Variants in BST1 observed in about 807,000 individuals in gnomAD.
The protein encoded by BST1 is ADP-ribosyl cyclase/cyclic ADP-ribose hydrolase 2.
Under a neutral mutation model 40.6 loss-of-function variants are expected in BST1, and 49 were observed. The ratio of observed to expected loss-of-function variants is 1.21; its 90% CI spans 0.96 to 1.53. The LOEUF is 1.53. BST1 is among the 40% of genes most tolerant of loss of function. The probability of loss-of-function intolerance (pLI) is 0.00; values close to 1 mark genes in which losing one functional copy is unlikely to be tolerated. For synonymous variants in BST1, 157 were observed against 159.3 expected (o/e 0.99, Z 0.11); for missense variants, 423 against 395.9 (o/e 1.07, Z -0.58).
chr4:15,741,350 A>G (rs761683916), downstream of BST1, among the ~76,000 whole-genome samples: 2 of 152,080 alleles, frequency 1.3e-5, no homozygotes, highest in Non-Finnish European at 2.9e-5. Flanking sequence ...TAGCAATCCT[A>G]TTATTATAGA....
intron 8 of BST1, among the ~76,000 whole-genome samples, chr4:15,726,978 C>G (rs1271015044): frequency 6.6e-6 from 1 of 151,104 alleles, no homozygotes; most frequent in African/African-American, 2.4e-5. Flanking sequence ...TCAAGCAATT[C>G]CCCTGCTTCA....
At chr4:15,730,179 G>C (rs186804882) in intron 8 of BST1, among the ~76,000 whole-genome samples, 1 of 152,310 alleles carries the variant, frequency 6.6e-6, no homozygotes, top group East Asian at 1.9e-4. Flanking sequence ...GCATTCAAAT[G>C]GAGTCAGGAA....
At chr4:15,734,461 A>T (rs1229758690), downstream of BST1, among the ~76,000 whole-genome samples, 3 of 152,162 alleles carry the variant, frequency 2.0e-5, no homozygotes, top group Non-Finnish European at 4.4e-5. Flanking sequence ...ATACAAATTT[A>T]ATATATTAAA....
Position 15,718,961 on chromosome 4 carries a change from G to A in BST1, c.759G>A (p.Met253Ile), listed in dbSNP as rs1015174676. 1.9e-6 allele frequency: 3 copies of A among 1,613,998 alleles called. No individual in the cohort carries two copies. Among genetic ancestry groups the A allele is most frequent in the Non-Finnish European group, 2.5e-6 (3 of 1,180,010 alleles). ...TCCTGGAAAAGAGGCTGAAGGACAT[G>A]GGGTTCCAGTACAGCTGTATTAATG... is the stretch of plus-strand genomic sequence containing the variant. The part of the protein sequence containing the change: ...MKVLEKRLKD[M>I]GFQYSCINDY... Residue 253 changes from methionine (M) to isoleucine (I), a missense_variant, in exon 7 of 9, where the codon ATG (methionine) becomes ATA (isoleucine). By Grantham distance (10) the Met-to-Ile change is conservative. Transcript: ENST00000265016.
At chr4:15,705,463 A>C (rs1177021882) in intron 1 of BST1, 52 bp from the exon 2 acceptor site, 2 of 1,519,084 alleles carry the variant, frequency 1.3e-6, no homozygotes, top group Non-Finnish European at 1.8e-6. Flanking sequence ...ATACTTCACA[A>C]CACATTATGA....
At chr4:15,752,995 A>G in the BST1 span, among the ~76,000 whole-genome samples, 6 of 150,480 alleles carry the variant, frequency 4.0e-5, no homozygotes, top group African/African-American at 1.5e-4. Flanking sequence ...AAATATTTAA[A>G]TATAAATCAC....
chr4:15,733,327 G>A (rs1258661112), downstream of BST1, among the ~76,000 whole-genome samples: 3 of 152,110 alleles, frequency 2.0e-5, no homozygotes, highest in Non-Finnish European at 4.4e-5. Context: ...TTTTTACAGA[G>A]TGCTGACTGG....
chr4:15,731,251 G>A lies in BST1; in HGVS notation c.852-489G>A, dbSNP rs187283729. On this transcript the variant is annotated intron_variant, in intron 8 of 8. Transcript: ENST00000265016. ...GCAATTTCCTGCCTTATTTAGGACT[G>A]GGCCGAGGATTCGTGGGATCTGCTT... 1.4e-3 allele frequency: 674 copies of A among 488,000 alleles called. 2 individuals are homozygous for A. Among genetic ancestry groups the A allele is most frequent in the African/African-American group, 0.011 (561 of 50,538 alleles). The allele number at this position is 488,000 out of a possible 1,614,324, so 30.2% of individuals were successfully genotyped here. A position where few individuals can be genotyped will look rare whatever the true frequency, so the allele number is the denominator to read the frequency against.
the BST1 span, among the ~76,000 whole-genome samples, chr4:15,751,673 A>G: frequency 6.6e-6 from 1 of 151,870 alleles, no homozygotes; most frequent in African/African-American, 2.4e-5. Context: ...ATATTTATAT[A>G]GTATATGTAT....
chr4:15,714,841 G>C (rs1720422748), intron 4 of BST1, among the ~76,000 whole-genome samples: 1 of 152,186 alleles, frequency 6.6e-6, no homozygotes, highest in African/African-American at 2.4e-5. Context: ...ATTTGTCACT[G>C]TCTCCTCCCT....
chr4:15,722,452 A>G (rs9942247), intron 7 of BST1, among the ~76,000 whole-genome samples: 18,300 of 152,152 alleles, frequency 0.12, 2,241 homozygotes, highest in African/African-American at 0.3. Context: ...TCTAGATACA[A>G]GGCCTCACTC....
At chr4:15,726,798 G>T (rs950826714) in intron 8 of BST1, among the ~76,000 whole-genome samples, 1 of 151,894 alleles carries the variant, frequency 6.6e-6, no homozygotes, top group African/African-American at 2.4e-5. Context: ...TAGCACCAGT[G>T]CCTTGGGTTA....
chr4:15,756,374 T>C, the BST1 span, among the ~76,000 whole-genome samples: 1 of 152,218 alleles, frequency 6.6e-6, no homozygotes, highest in African/African-American at 2.4e-5. Context: ...CTTTCTCATT[T>C]TCAATCGTGG....
chr4:15,742,662 T>C (rs964070018), downstream of BST1, among the ~76,000 whole-genome samples: 8 of 152,292 alleles, frequency 5.3e-5, no homozygotes, highest in Non-Finnish European at 8.8e-5. Context: ...GGGAGTTCAT[T>C]TGGGAGGTAA....
At chr4:15,764,873 G>GGGGTGTGTGTGT in the BST1 span, among the ~76,000 whole-genome samples, 47 of 137,458 alleles carry the variant, frequency 3.4e-4, no homozygotes, top group Admixed American at 1.6e-3. Flanking sequence ...AATTAGGTGA[G>GGGGTGTGTGTGT]GTGTGTGTGT....
intron 2 of BST1, among the ~76,000 whole-genome samples, chr4:15,706,823 A>T (rs912913888): frequency 3.9e-5 from 6 of 152,172 alleles, no homozygotes; most frequent in Non-Finnish European, 8.8e-5. Context: ...CTCAGTAAAT[A>T]CTTCCGGGGC....
the BST1 span, among the ~76,000 whole-genome samples, chr4:15,773,796 CAAACAAAACA>C: frequency 6.6e-6 from 1 of 151,674 alleles, no homozygotes; most frequent in Non-Finnish European, 1.5e-5. Context: ...GAGCCTGTCT[CAAACAAAACA>C]AAACAAAACA....
At chr4:15,769,997 G>A in the BST1 span, among the ~76,000 whole-genome samples, 2 of 152,076 alleles carry the variant, frequency 1.3e-5, no homozygotes, top group African/African-American at 2.4e-5. Context: ...GTGCCACTGC[G>A]CCTGGCTAAC....
At chr4:15,755,102 C>T in the BST1 span, among the ~76,000 whole-genome samples, 40 of 152,188 alleles carry the variant, frequency 2.6e-4, no homozygotes, top group African/African-American at 5.8e-4. Context: ...CCGTTAGGAA[C>T]ATCATTTAGG....
Sources: allele counts gnomAD v4.1 joint callset (sites outside exome capture counted in the v4.1 genomes callset), GRCh38; gene constraint gnomAD v4.1.1; transcripts MANE v1.5; gene names NCBI Gene and HGNC (gene_info 2026-07-23, HGNC 2026-07-21).